Variants in ARHGAP42 observed in about 807,000 individuals in gnomAD.
The protein encoded by ARHGAP42 is Rho GTPase activating protein 42.
In ARHGAP42, 63 loss-of-function variants were observed where a neutral mutation model predicts 125.0. The observed-to-expected ratio is 0.50, with a 90% CI of 0.41 to 0.62. ARHGAP42 has a LOEUF of 0.62. Among genes scored for constraint, ARHGAP42 ranks in the 20% least tolerant of loss-of-function variants. The probability of loss-of-function intolerance (pLI) is 0.00; values close to 1 mark genes in which losing one functional copy is unlikely to be tolerated. For synonymous variants in ARHGAP42, 339 were observed against 351.0 expected (o/e 0.97, Z 0.38); for missense variants, 766 against 1,024.2 (o/e 0.75, Z 3.44).
intron 3 of ARHGAP42, among the ~76,000 whole-genome samples, chr11:100,835,467 A>T (rs1319056642): frequency 6.6e-6 from 1 of 152,152 alleles, no homozygotes; most frequent in African/African-American, 2.4e-5. Flanking sequence ...ATTCTTAAAT[A>T]CTGCCTAGCA....
At chr11:100,874,452 C>T (rs943890164) in intron 4 of ARHGAP42, among the ~76,000 whole-genome samples, 1 of 152,140 alleles carries the variant, frequency 6.6e-6, no homozygotes, top group Admixed American at 6.5e-5. Context: ...ACATTCAAGG[C>T]TTGGAAACTA....
At chr11:100,961,402 G>A (rs558645027) in intron 14 of ARHGAP42, among the ~76,000 whole-genome samples, 3 of 152,106 alleles carry the variant, frequency 2.0e-5, no homozygotes, top group African/African-American at 4.8e-5. Context: ...GTTAATCTCC[G>A]TAAAGCACTT....
intron 8 of ARHGAP42, among the ~76,000 whole-genome samples, chr11:100,938,333 A>G (rs1867790150): frequency 6.6e-6 from 1 of 151,940 alleles, no homozygotes; most frequent in African/African-American, 2.4e-5. Context: ...TCCTTCTAAA[A>G]TGCTTCTTTG....
At position 100,992,799 on chromosome 11, in the gene ARHGAP42, A is replaced by T; in HGVS notation, c.*3998A>T. ...TAAAGAATCTTACATAAGAATGTTGACAACATTCACAGTAAGCCATTGGCA... is the reference window on the plus strand; with the variant it reads ...TAAAGAATCTTACATAAGAATGTTGTCAACATTCACAGTAAGCCATTGGCA... On this transcript the variant is annotated 3_prime_UTR_variant, in exon 24 of 24. Transcript: ENST00000298815. The T allele has an allele frequency of 1.5e-6, 2 of 1,331,372 alleles. No individual in the cohort carries two copies. Among genetic ancestry groups the T allele is most frequent in the Non-Finnish European group, 2.1e-6 (2 of 970,328 alleles). 82.5% of individuals were successfully genotyped at this position (1,331,372 alleles called of 1,614,324 possible).
intron 10 of ARHGAP42, among the ~76,000 whole-genome samples, chr11:100,946,570 A>G (rs1478792822): frequency 6.6e-6 from 1 of 152,070 alleles, no homozygotes; most frequent in East Asian, 1.9e-4. Context: ...ACTAATTTTA[A>G]TATTGTTGTA....
At position 100,838,018 on chromosome 11, in the gene ARHGAP42, A is replaced by G. The variant is rs539147397; in HGVS notation, c.313-21536A>G. On this transcript the variant is annotated intron_variant, in intron 3 of 23. Coordinates refer to ENST00000298815, the MANE Select transcript of ARHGAP42 (RefSeq NM_152432.4). ...TGTTGTTCTTAGCTGCCTAAAAATA[A>G]TTGAGCCCCATTCCCTCGCTAACTG... 5.2e-5 allele frequency among the ~76,000 whole-genome samples: 7 copies of G among 135,286 alleles called. No individual in the cohort carries two copies. In the South Asian group the frequency reaches 1.2e-3, roughly 24 times the overall value. The allele number at this position is 135,286 out of a possible 152,430, so 88.8% of individuals were successfully genotyped here.
intron 2 of ARHGAP42, among the ~76,000 whole-genome samples, chr11:100,791,518 A>G (rs1243109756): frequency 1.3e-5 from 2 of 152,140 alleles, no homozygotes; most frequent in Non-Finnish European, 2.9e-5. Context: ...ACTGTTACTA[A>G]CTCATAAAAT....
At chr11:100,934,577 C>A (rs1241837593) in intron 7 of ARHGAP42, among the ~76,000 whole-genome samples, 1 of 152,044 alleles carries the variant, frequency 6.6e-6, no homozygotes. Context: ...AAAAACACAC[C>A]CAAAAGTTGA....
chr11:100,717,095 G>A (rs1553335), intron 1 of ARHGAP42, among the ~76,000 whole-genome samples: 2 of 152,152 alleles, frequency 1.3e-5, no homozygotes, highest in African/African-American at 4.8e-5. Flanking sequence ...AGGAAACCAC[G>A]GAGAAGCAGT....
chr11:100,958,622 G>A (rs1293613569), intron 12 of ARHGAP42, among the ~76,000 whole-genome samples: 1 of 149,028 alleles, frequency 6.7e-6, no homozygotes, highest in African/African-American at 2.5e-5. Context: ...TCTAACTTTT[G>A]CCCTCTTTCT....
chr11:100,842,322 T>G (rs1394336380), intron 3 of ARHGAP42, among the ~76,000 whole-genome samples: 1 of 152,170 alleles, frequency 6.6e-6, no homozygotes, highest in Non-Finnish European at 1.5e-5. Flanking sequence ...AAGTTGTCAT[T>G]AGTTCAAATG....
chr11:100,976,115 T>C lies in ARHGAP42; in HGVS notation c.1914T>C (p.Ser638=). ...STPMGSIESL[S]SHSSEQNSTT... ...CTATGGGGAGCATTGAGTCACTCTC[T>C]TCTCATTCCTCTGAACAAAATAGCA... The change falls in exon 20 of 24, where the codon TCT becomes TCC. Residue 638 remains serine (S), a synonymous_variant. Transcript: ENST00000298815. 1.3e-6 allele frequency: 2 copies of C among 1,550,874 alleles called. No homozygotes were observed. Among genetic ancestry groups the C allele is most frequent in the Non-Finnish European group, 1.7e-6 (2 of 1,146,474 alleles).
Position 100,687,317 on chromosome 11 carries a change from G to GT in ARHGAP42, c.-362_-361insT, listed in dbSNP as rs1861097780. ...CGCCGACGACTGTCAAGAGAGTTGG[G>GT]GAGTGGAACTGCCGGAAGTGTCTGC... On this transcript the variant is annotated 5_prime_UTR_variant, in exon 1 of 24. Transcript: ENST00000298815. 6.6e-6 allele frequency among the ~76,000 whole-genome samples: 1 copy of GT among 152,116 alleles called. No homozygotes were observed. Among genetic ancestry groups the GT allele is most frequent in the African/African-American group, 2.4e-5 (1 of 41,442 alleles).
chr11:100,808,496 C>T (rs576320427), intron 3 of ARHGAP42, among the ~76,000 whole-genome samples: 1 of 147,156 alleles, frequency 6.8e-6, no homozygotes, highest in Admixed American at 6.9e-5. Context: ...AGCTCCGCTT[C>T]CCGGGTTCAC....
intron 4 of ARHGAP42, among the ~76,000 whole-genome samples, chr11:100,884,149 C>CTG (rs1161683362): frequency 1.3e-5 from 2 of 152,142 alleles, no homozygotes; most frequent in Non-Finnish European, 2.9e-5. Context: ...CATTATTTCT[C>CTG]TGTGTAGTTT....
At chr11:100,954,903 A>G (rs1857764624) in intron 12 of ARHGAP42, among the ~76,000 whole-genome samples, 1 of 152,196 alleles carries the variant, frequency 6.6e-6, no homozygotes, top group South Asian at 2.1e-4. Flanking sequence ...GATATTAGTT[A>G]TCTGTGATAA....
At chr11:100,720,724 T>C (rs571960738) in intron 1 of ARHGAP42, among the ~76,000 whole-genome samples, 1 of 152,282 alleles carries the variant, frequency 6.6e-6, no homozygotes, top group East Asian at 1.9e-4. Flanking sequence ...TAATATTCAT[T>C]GAACACATAT....
At chr11:100,970,842 G>T (rs919798292) in intron 17 of ARHGAP42, among the ~76,000 whole-genome samples, 2 of 152,052 alleles carry the variant, frequency 1.3e-5, no homozygotes, top group South Asian at 4.1e-4. Context: ...TAGATGTCTG[G>T]CTAGTTGGAG....
chr11:100,963,631 T>G (rs1858013921), intron 16 of ARHGAP42, among the ~76,000 whole-genome samples: 1 of 152,220 alleles, frequency 6.6e-6, no homozygotes, highest in Non-Finnish European at 1.5e-5. Flanking sequence ...CATATAAATC[T>G]ACACTATTTA....
Sources: gnomAD v4.1 joint callset for allele counts (sites outside exome capture counted in the v4.1 genomes callset) on GRCh38, gnomAD v4.1.1 for gene constraint, MANE v1.5 for transcripts, NCBI Gene and HGNC (gene_info 2026-07-23, HGNC 2026-07-21) for gene names.